Variants in CACNA1H observed in about 807,000 individuals in gnomAD.
CACNA1H encodes calcium voltage-gated channel subunit alpha1 H, also known as voltage-dependent T-type calcium channel subunit alpha-1H.
A neutral mutation model predicts 192.5 loss-of-function variants in CACNA1H; 149 were observed. The ratio of observed to expected loss-of-function variants is 0.77; its 90% CI spans 0.68 to 0.89. The LOEUF (loss-of-function observed/expected upper bound fraction) is 0.89, where lower values mean the gene tolerates loss of function less well. Among genes scored for constraint, CACNA1H ranks in the 40% least tolerant of loss-of-function variants. The probability of loss-of-function intolerance (pLI) is 0.00; values close to 1 mark genes in which losing one functional copy is unlikely to be tolerated. For synonymous variants in CACNA1H, 2,202 were observed against 1,475.2 expected, an observed-to-expected ratio of 1.49 and a Z score of -11.29; for missense variants, 4,257 against 3,423.5, an observed-to-expected ratio of 1.24 and a Z score of -6.08.
At chr16:1,163,583 C>T (rs956343719) in intron 2 of CACNA1H, among the ~76,000 whole-genome samples, 1 of 152,258 alleles carries the variant, frequency 6.6e-6, no homozygotes, top group African/African-American at 2.4e-5. Context: ...GGTCCCTGCC[C>T]TGGTCTTTGC....
At chr16:1,175,313 G>C (rs74004843) in intron 2 of CACNA1H, among the ~76,000 whole-genome samples, 4,964 of 152,276 alleles carry the variant, frequency 0.033, 290 homozygotes, top group African/African-American at 0.11. Flanking sequence ...GCTGGGTTCT[G>C]GGGAGCCCCG....
In CACNA1H at chr16:1,190,859, A is replaced by C. The variant is rs139545802; in HGVS notation, c.300-4113A>C. 3.9e-3 allele frequency among the ~76,000 whole-genome samples: 594 copies of C among 150,962 alleles called. 5 individuals are homozygous for C. Among genetic ancestry groups the C allele is most frequent in the African/African-American group, 0.014 (556 of 40,932 alleles). On this transcript the variant is annotated intron_variant, in intron 2 of 34. Coordinates refer to ENST00000348261, the MANE Select transcript of CACNA1H (RefSeq NM_021098.3). The stretch of plus-strand genomic sequence containing the variant: ...CAGGCTGGCCTGGCTGTGTGGCCTC[A>C]GGCACACTCGGGGTCTCTCTGACCC...
intron 6 of CACNA1H, 192 bp downstream of exon 6, chr16:1,198,966 C>T (rs1355501598): frequency 8.4e-6 from 5 of 594,518 alleles, no homozygotes; most frequent in Non-Finnish European, 1.5e-5. Context: ...TGGCTCCGCC[C>T]AGCTGGCAGT....
intron 2 of CACNA1H, among the ~76,000 whole-genome samples, chr16:1,192,494 C>T (rs1966711896): frequency 6.6e-6 from 1 of 152,238 alleles, no homozygotes; most frequent in South Asian, 2.1e-4. Context: ...CCCCATTGGG[C>T]CCTCCGCCTC....
At position 1,202,171 on chromosome 16, in the gene CACNA1H, G is replaced by A. The variant is rs1968018663; in HGVS notation, c.1721G>A (p.Ser574Asn). The A allele has an allele frequency of 1.3e-6, 2 of 1,552,144 alleles. No individual in the cohort carries two copies. Among genetic ancestry groups the A allele is most frequent in the Non-Finnish European group, 1.7e-6 (2 of 1,148,546 alleles). The change falls in exon 9 of 35, where the codon AGC becomes AAC. Residue 574 changes from serine to asparagine, a missense_variant. Physicochemically the swap from Ser to Asn is conservative, Grantham distance 46. Coordinates refer to ENST00000348261, the MANE Select transcript of CACNA1H (RefSeq NM_021098.3). Reference protein sequence around the residue: ...RGPPDAESVHSIYHADCHIEG... With the variant: ...RGPPDAESVHNIYHADCHIEG... ...CCCCCCGACGCAGAGTCTGTGCACA[G>A]CATCTACCATGCCGACTGCCACATA...
Position 1,221,074 on chromosome 16 carries a change from C to A in CACNA1H, c.*80C>A. On this transcript the variant is annotated 3_prime_UTR_variant, in exon 35 of 35. Transcript: ENST00000348261. ...GGGTGGAGGCCCAGGCAGAACCCTGCATGGACCCTGACTTGGGTCCCGTCG... is the reference window on the plus strand; with the variant it reads ...GGGTGGAGGCCCAGGCAGAACCCTGAATGGACCCTGACTTGGGTCCCGTCG... 4 of 1,103,308 alleles carry A rather than the reference C, an allele frequency of 3.6e-6. No individual in the cohort carries two copies. Among genetic ancestry groups the A allele is most frequent in the Non-Finnish European group, 3.8e-6 (3 of 783,938 alleles). The allele number at this position is 1,103,308 out of a possible 1,614,324, so 68.3% of individuals were successfully genotyped here.
At chr16:1,190,032 A>C (rs915555565) in intron 2 of CACNA1H, among the ~76,000 whole-genome samples, 2 of 152,178 alleles carry the variant, frequency 1.3e-5, no homozygotes, top group Non-Finnish European at 2.9e-5. Flanking sequence ...CAGGGAGATG[A>C]AGGAGGGAGG....
intron 34 of CACNA1H, 83 bp downstream of exon 34, chr16:1,219,213 C>A: frequency 1.5e-6 from 2 of 1,327,954 alleles, no homozygotes. Context: ...GAAGGACCAG[C>A]AGACGAGGAC....
intron 2 of CACNA1H, among the ~76,000 whole-genome samples, chr16:1,178,854 GGC>G (rs1310857568): frequency 6.6e-6 from 1 of 152,244 alleles, no homozygotes; most frequent in Non-Finnish European, 1.5e-5. Flanking sequence ...TGGCTGCCAG[GGC>G]AGAGGAAGGA....
chr16:1,191,018 A>C (rs377022841), intron 2 of CACNA1H, among the ~76,000 whole-genome samples: 21 of 131,728 alleles, frequency 1.6e-4, no homozygotes, highest in East Asian at 2.4e-4. Flanking sequence ...GTGTGGCCTC[A>C]GGCACACTCG....
intron 2 of CACNA1H, among the ~76,000 whole-genome samples, chr16:1,161,243 G>A (rs1417387317): frequency 1.3e-5 from 2 of 152,220 alleles, no homozygotes; most frequent in African/African-American, 2.4e-5. Context: ...TTTGTGGATG[G>A]ACCGTTAGGT....
intron 2 of CACNA1H, among the ~76,000 whole-genome samples, chr16:1,181,107 G>A (rs1411561912): frequency 2.6e-5 from 4 of 152,244 alleles, no homozygotes; most frequent in African/African-American, 4.8e-5. Flanking sequence ...TTCCAGCTCG[G>A]AGCAGGCCCC....
chr16:1,181,664 A>T (rs982986096), intron 2 of CACNA1H, among the ~76,000 whole-genome samples: 7 of 152,242 alleles, frequency 4.6e-5, no homozygotes, highest in African/African-American at 1.7e-4. Flanking sequence ...CATGGCTTTT[A>T]AAATTGTGCG....
intron 2 of CACNA1H, among the ~76,000 whole-genome samples, chr16:1,184,685 G>C (rs973802704): frequency 6.6e-6 from 1 of 152,256 alleles, no homozygotes; most frequent in Non-Finnish European, 1.5e-5. Context: ...CTCAGCGAGA[G>C]TGGAGGCCAC....
chr16:1,206,859 G>A (rs1227262825), intron 12 of CACNA1H, 142 bp from the exon 13 acceptor site: 1 of 589,900 alleles, frequency 1.7e-6, no homozygotes, highest in Non-Finnish European at 3.1e-6. Context: ...GGGCGCCCAG[G>A]GAGGGTAGGA....
At position 1,195,921 on chromosome 16, in the gene CACNA1H, C is replaced by A; in HGVS notation, c.546-5C>A. On this transcript the variant is annotated splice_polypyrimidine_tract_variant and splice_region_variant and intron_variant, in intron 4 of 34. Coordinates refer to ENST00000348261, the MANE Select transcript of CACNA1H (RefSeq NM_021098.3). Reference sequence around the variant, plus strand: ...TGAGCTGCTCCCCCTCGGCCCCGCCCCCAGCATGATGGAGTACTCGTTGGA... The same window carrying A: ...TGAGCTGCTCCCCCTCGGCCCCGCCACCAGCATGATGGAGTACTCGTTGGA... 1 of 1,612,230 alleles carries A rather than the reference C, an allele frequency of 6.2e-7. No individual in the cohort carries two copies.
intron 2 of CACNA1H, among the ~76,000 whole-genome samples, chr16:1,185,255 G>C (rs990757487): frequency 2.6e-5 from 4 of 152,192 alleles, no homozygotes; most frequent in African/African-American, 4.8e-5. Flanking sequence ...CGGGTCTGTT[G>C]GTGAACACCA....
chr16:1,177,374 C>T (rs1347693535), intron 2 of CACNA1H, among the ~76,000 whole-genome samples: 2 of 152,200 alleles, frequency 1.3e-5, no homozygotes, highest in Non-Finnish European at 2.9e-5. Flanking sequence ...GGGCCGAGGG[C>T]CCTCCTCATG....
chr16:1,212,792 C>T (rs533670429), intron 26 of CACNA1H, among the ~76,000 whole-genome samples: 5 of 152,372 alleles, frequency 3.3e-5, no homozygotes, highest in Non-Finnish European at 7.3e-5. Flanking sequence ...GGGCCGCCCA[C>T]ACCCCTGCAG....
Sources: allele counts gnomAD v4.1 joint callset (sites outside exome capture counted in the v4.1 genomes callset), GRCh38; gene constraint gnomAD v4.1.1; transcripts MANE v1.5; gene names NCBI Gene and HGNC (gene_info 2026-07-23, HGNC 2026-07-21).